Variants in RGS12 observed in about 807,000 individuals in gnomAD.
RGS12 encodes the protein regulator of G-protein signaling 12.
Under a neutral mutation model 120.1 loss-of-function variants are expected in RGS12, and 66 were observed. The ratio of observed to expected loss-of-function variants is 0.55; its 90% CI spans 0.45 to 0.67. The LOEUF (loss-of-function observed/expected upper bound fraction) is 0.67. RGS12 is among the 30% of genes least tolerant of loss of function. The probability of loss-of-function intolerance (pLI) is 0.00; values close to 1 mark genes in which losing one functional copy is unlikely to be tolerated. For synonymous variants in RGS12, 827 were observed against 804.7 expected, an observed-to-expected ratio of 1.03 and a Z score of -0.47; for missense variants, 1,859 against 1,957.7, an observed-to-expected ratio of 0.95 and a Z score of 0.95.
Position 3,430,729 on chromosome 4 carries a change from C to A in RGS12, c.3888C>A (p.Ser1296Arg), listed in dbSNP as rs767166978. 6.3e-7 allele frequency: 1 copy of A among 1,595,982 alleles called. No individual in the cohort carries two copies. ...CCCCCCCCGGGCAGAAGTCTCCCAGCGGGCCCTTCTGCACTCCCCAGTCCC... is the reference window on the plus strand; with the variant it reads ...CCCCCCCCGGGCAGAAGTCTCCCAGAGGGCCCTTCTGCACTCCCCAGTCCC... Reference protein sequence around the residue: ...GTTPPGQKSPSGPFCTPQSPV... With the variant: ...GTTPPGQKSPRGPFCTPQSPV... The change falls in exon 17 of 18, where the codon AGC (serine) becomes AGA (arginine). Residue 1296 changes from serine (S) to arginine (R), a missense_variant. Around this residue, in one of 3 missense-constraint regions of RGS12, gnomAD observed 517 missense variants for 488.5 expected, o/e 1.06. Coordinates refer to ENST00000336727, the MANE Select transcript of RGS12 (RefSeq NM_001394154.1).
intron 3 of RGS12, among the ~76,000 whole-genome samples, chr4:3,344,733 C>T (rs1213612648): frequency 6.6e-5 from 10 of 152,252 alleles, no homozygotes; most frequent in African/African-American, 2.4e-4. Flanking sequence ...TCCATCTCCA[C>T]CAGGGCCCTG....
At chr4:3,415,933 G>C in intron 6 of RGS12, 45 bp from the exon 7 acceptor site, 1 of 1,569,196 alleles carries the variant, frequency 6.4e-7, no homozygotes, top group Admixed American at 1.8e-5. Context: ...CAGGAGTGCG[G>C]GGAGAGGAAG....
At chr4:3,380,876 C>A (rs767255389) in intron 3 of RGS12, among the ~76,000 whole-genome samples, 1 of 152,222 alleles carries the variant, frequency 6.6e-6, no homozygotes, top group East Asian at 1.9e-4. Context: ...ACATTTTCAT[C>A]ATTGTCTCAG....
At chr4:3,329,084 A>AC (rs1711540899) in intron 2 of RGS12, among the ~76,000 whole-genome samples, 1 of 152,246 alleles carries the variant, frequency 6.6e-6, no homozygotes, top group South Asian at 2.1e-4. Context: ...AGGCACAAAG[A>AC]CCGAGCTGCA....
At chr4:3,388,695 C>T (rs949357522) in intron 4 of RGS12, among the ~76,000 whole-genome samples, 1 of 152,238 alleles carries the variant, frequency 6.6e-6, no homozygotes, top group Non-Finnish European at 1.5e-5. Flanking sequence ...GTGCCTCAGG[C>T]AGAAAGAGGC....
intron 4 of RGS12, 149 bp downstream of exon 4, chr4:3,386,586 T>A (rs1403382660): frequency 1.5e-6 from 1 of 685,300 alleles, no homozygotes; most frequent in Admixed American, 2.7e-5. Context: ...GAGTTAATTC[T>A]GGGGGCGCTT....
At chr4:3,394,845 A>T (rs1254934916) in intron 4 of RGS12, among the ~76,000 whole-genome samples, 1 of 151,974 alleles carries the variant, frequency 6.6e-6, no homozygotes, top group Non-Finnish European at 1.5e-5. Context: ...CTCTCACCCG[A>T]CGGCTGTTGC....
intron 2 of RGS12, among the ~76,000 whole-genome samples, chr4:3,330,971 A>G (rs151256454): frequency 6.6e-6 from 1 of 152,334 alleles, no homozygotes; most frequent in East Asian, 1.9e-4. Context: ...TGCCTAGTGC[A>G]AAGGGCTGGG....
At chr4:3,415,009 G>T (rs1203115) in intron 6 of RGS12, among the ~76,000 whole-genome samples, 165 bp downstream of exon 6, 2 of 147,034 alleles carry the variant, frequency 1.4e-5, no homozygotes, top group Non-Finnish European at 3.0e-5. Context: ...CGTGTGAGGG[G>T]CGTGTGTGAG....
At chr4:3,296,488 C>T (rs548065389) in intron 1 of RGS12, among the ~76,000 whole-genome samples, 13 of 152,298 alleles carry the variant, frequency 8.5e-5, no homozygotes, top group South Asian at 4.1e-4. Context: ...CCGCGCCTAG[C>T]TTCTGTCTTC....
rs1335174517 is a variant in RGS12, at chr4:3,389,261, T to G, written c.2020+2824T>G. Among the ~76,000 whole-genome samples the G allele has an allele frequency of 6.6e-6, 1 of 151,986 alleles. No individual in the cohort carries two copies. The highest frequency in any genetic ancestry group is 2.4e-5 in the African/African-American group (1 of 41,372). On this transcript the variant is annotated intron_variant, in intron 4 of 17. Coordinates refer to ENST00000336727, the MANE Select transcript of RGS12 (RefSeq NM_001394154.1). This position sits in a 1 kb window ranked among gnomAD's most constrained non-coding sequence, Gnocchi z 5.2. The stretch of plus-strand genomic sequence containing the variant: ...ACCCGTTTGTAGCCAAAGAGTGCCC[T>G]CGGGAAAAAGGGTTACAGCTGGTCT...
intron 3 of RGS12, among the ~76,000 whole-genome samples, chr4:3,375,208 G>A (rs1717511836): frequency 6.6e-6 from 1 of 152,090 alleles, no homozygotes; most frequent in Non-Finnish European, 1.5e-5. Context: ...GTTCATATGA[G>A]GAAACGTTTC....
intron 2 of RGS12, among the ~76,000 whole-genome samples, chr4:3,333,051 CTTTT>C (rs557032927): frequency 8.0e-6 from 1 of 125,002 alleles, no homozygotes; most frequent in Admixed American, 8.2e-5. Flanking sequence ...GTCTCAAACT[CTTTT>C]TTTTTTTTTT....
In RGS12 at chr4:3,317,151, G is replaced by A; in HGVS notation, c.981G>A (p.Gln327=). ...CGAATGACGACGGGAGCCTGGCCCA[G>A]GAGGAGGAGGGCGCCCTGCGGACTT... is the stretch of plus-strand genomic sequence containing the variant. The part of the protein sequence containing the change: ...MQTNDDGSLA[Q]EEEGALRTSC... Residue 327 remains glutamine (Q), a synonymous_variant, in exon 2 of 18, where the codon CAG becomes CAA. Coordinates refer to ENST00000336727, the MANE Select transcript of RGS12 (RefSeq NM_001394154.1). 1 of 1,614,012 alleles carries A rather than the reference G, an allele frequency of 6.2e-7. No individual in the cohort carries two copies. Among genetic ancestry groups the A allele is most frequent in the Non-Finnish European group, 8.5e-7 (1 of 1,180,018 alleles).
chr4:3,432,937 TC>T (rs1228769102), intron 17 of RGS12, among the ~76,000 whole-genome samples: 1 of 152,204 alleles, frequency 6.6e-6, no homozygotes, highest in Admixed American at 6.5e-5. Flanking sequence ...TGCCCAGTCT[TC>T]CTGTGATGTT....
intron 3 of RGS12, among the ~76,000 whole-genome samples, chr4:3,351,899 G>A (rs1055545054): frequency 3.9e-5 from 6 of 152,190 alleles, no homozygotes. Flanking sequence ...GGTGCCTTAT[G>A]TGGTGCTGAC....
intron 1 of RGS12, among the ~76,000 whole-genome samples, chr4:3,307,700 A>G (rs1458277823): frequency 6.6e-6 from 1 of 152,152 alleles, no homozygotes; most frequent in Non-Finnish European, 1.5e-5. Flanking sequence ...CGTGCCTAGA[A>G]CTGTGCCTGG....
In RGS12 at chr4:3,342,703, C is replaced by G; in HGVS notation, c.1882-234C>G. The G allele has an allele frequency of 3.9e-6, 3 of 776,424 alleles. No individual in the cohort carries two copies. The South Asian group carries it at 5.5e-5, about 14-fold the overall frequency. The allele number at this position is 776,424 out of a possible 1,614,324, so 48.1% of individuals were successfully genotyped here. On this transcript the variant is annotated intron_variant, in intron 2 of 17. Transcript: ENST00000336727. Reference sequence around the variant, plus strand: ...AGGTGGAGGCTTTGTCAGAGGCACACAGTTGGCAGAGCAAATACTTGACGA... The same window carrying G: ...AGGTGGAGGCTTTGTCAGAGGCACAGAGTTGGCAGAGCAAATACTTGACGA...
At position 3,408,641 on chromosome 4, in the gene RGS12, A is replaced by C. The variant is rs374308885; in HGVS notation, c.2021-5431A>C. 3.9e-5 allele frequency among the ~76,000 whole-genome samples: 6 copies of C among 152,284 alleles called. No individual in the cohort carries two copies. The South Asian group carries it at 6.2e-4, about 16-fold the overall frequency. Reference sequence around the variant, plus strand: ...TCAGTGCCTGGACTCAGGAGGGTCCACGTGCCCAGCAGGTCCCGTCTGTGC... The same window carrying C: ...TCAGTGCCTGGACTCAGGAGGGTCCCCGTGCCCAGCAGGTCCCGTCTGTGC... On this transcript the variant is annotated intron_variant, in intron 4 of 17. Transcript: ENST00000336727.
Sources: allele counts gnomAD v4.1 joint callset (sites outside exome capture counted in the v4.1 genomes callset), GRCh38; gene constraint gnomAD v4.1.1; regional missense constraint gnomAD v4.1.1; non-coding constraint Gnocchi (gnomAD v3.1); transcripts MANE v1.5; gene names NCBI Gene and HGNC (gene_info 2026-07-23, HGNC 2026-07-21).